Variants in CCDC175 observed in about 807,000 individuals in gnomAD.
CCDC175 encodes coiled-coil domain containing 175, also known as coiled-coil domain-containing protein 175.
In CCDC175, 100 loss-of-function variants were observed where a neutral mutation model predicts 114.6. That is an observed-to-expected ratio of 0.87 (90% CI 0.74 to 1.03). The LOEUF (loss-of-function observed/expected upper bound fraction) is 1.03. Ranked by LOEUF, CCDC175 falls within the 50% of genes least tolerant of loss-of-function variation. The pLI is 0.00. For synonymous variants in CCDC175, 306 were observed against 308.7 expected (o/e 0.99, Z 0.09); for missense variants, 880 against 917.8 (o/e 0.96, Z 0.53).
At chr14:59,520,235 T>C (rs1427108643) in intron 17 of CCDC175, among the ~76,000 whole-genome samples, 2 of 152,198 alleles carry the variant, frequency 1.3e-5, no homozygotes, top group Non-Finnish European at 2.9e-5. Context: ...AAGTACAAGT[T>C]ACAATCACAA....
rs781312593 is a variant in CCDC175, at chr14:59,543,400, C to CT, written c.1226dup (p.Arg410GlufsTer35). ...CTTCCATATTTTTGATGTCTACTCTCTTTTGTGACAGAAAGTATTCTTTCT... is the reference window on the plus strand; with the variant it reads ...CTTCCATATTTTTGATGTCTACTCTCTTTTTGTGACAGAAAGTATTCTTTCT... On this transcript the variant is annotated frameshift_variant, in exon 10 of 20. Transcript: ENST00000537690. LOFTEE classifies it high-confidence loss of function. The CT allele has an allele frequency of 3.5e-5, 52 of 1,479,530 alleles. No individual in the cohort carries two copies. The highest frequency in any genetic ancestry group is 9.0e-6 in the Non-Finnish European group (10 of 1,111,228). 91.7% of individuals were successfully genotyped at this position (1,479,530 alleles called of 1,614,324 possible).
At chr14:59,557,835 T>G (rs1896004662) in intron 7 of CCDC175, among the ~76,000 whole-genome samples, 1 of 152,162 alleles carries the variant, frequency 6.6e-6, no homozygotes, top group Non-Finnish European at 1.5e-5. Flanking sequence ...CTGCCAGATA[T>G]GTTTCAGGTA....
intron 8 of CCDC175, among the ~76,000 whole-genome samples, chr14:59,550,856 T>TG (rs1895430213): frequency 6.6e-6 from 1 of 152,182 alleles, no homozygotes; most frequent in Admixed American, 6.5e-5. Context: ...CCCAGCCTAC[T>TG]GACTCAAATG....
chr14:59,556,043 A>T (rs985136851), intron 7 of CCDC175, among the ~76,000 whole-genome samples: 1 of 152,232 alleles, frequency 6.6e-6, no homozygotes, highest in Non-Finnish European at 1.5e-5. Context: ...ATACTGCCCA[A>T]GGTAATTTAT....
chr14:59,506,830 T>C (rs1174746537), intron 19 of CCDC175, among the ~76,000 whole-genome samples: 1 of 152,224 alleles, frequency 6.6e-6, no homozygotes, highest in African/African-American at 2.4e-5. Context: ...TTGACAGTTA[T>C]ATACATTGAT....
intron 19 of CCDC175, among the ~76,000 whole-genome samples, chr14:59,508,565 CAAAAAAA>C (rs565175219): frequency 4.0e-5 from 3 of 74,578 alleles, no homozygotes; most frequent in East Asian, 4.5e-4. Flanking sequence ...GGCCCTGTCT[CAAAAAAA>C]AAAAAAAAAA....
In CCDC175 at chr14:59,563,874, A is replaced by T. The variant is rs1896367152; in HGVS notation, c.721-15T>A. 5.8e-6 allele frequency: 8 copies of T among 1,372,800 alleles called. No individual in the cohort carries two copies. Among genetic ancestry groups the T allele is most frequent in the Admixed American group, 3.7e-5 (1 of 26,862 alleles). The allele number at this position is 1,372,800 out of a possible 1,614,324, so 85.0% of individuals were successfully genotyped here. On this transcript the variant is annotated splice_polypyrimidine_tract_variant and intron_variant, in intron 5 of 19. Transcript: ENST00000537690. ...AATTCATTAATCTATAGTGACAAGC[A>T]TAAGAAACCAATTTAAAAAGCCTAT... is the stretch of plus-strand genomic sequence containing the variant.
At chr14:59,515,552 G>C (rs1162408910) in intron 17 of CCDC175, among the ~76,000 whole-genome samples, 1 of 152,042 alleles carries the variant, frequency 6.6e-6, no homozygotes, top group Non-Finnish European at 1.5e-5. Flanking sequence ...AACCAACAAA[G>C]ATCAAAAGAG....
chr14:59,531,257 TA>T (rs980485367), intron 14 of CCDC175, among the ~76,000 whole-genome samples: 9 of 152,222 alleles, frequency 5.9e-5, no homozygotes, highest in Admixed American at 5.2e-4. Context: ...TAATATAATT[TA>T]AAATATGCAT....
chr14:59,563,305 G>A (rs548746431), intron 6 of CCDC175, among the ~76,000 whole-genome samples: 1 of 152,088 alleles, frequency 6.6e-6, no homozygotes, highest in East Asian at 1.9e-4. Flanking sequence ...ATAGACAAAT[G>A]GTCTCCTTTA....
intron 14 of CCDC175, among the ~76,000 whole-genome samples, chr14:59,527,625 TTAGTA>T (rs1351479921): frequency 1.3e-5 from 2 of 152,192 alleles, no homozygotes; most frequent in East Asian, 3.8e-4. Flanking sequence ...GATTTTCTTT[TTAGTA>T]TAATTTTTGT....
chr14:59,529,501 G>T (rs1317949439), intron 14 of CCDC175, among the ~76,000 whole-genome samples: 1 of 152,118 alleles, frequency 6.6e-6, no homozygotes, highest in Non-Finnish European at 1.5e-5. Flanking sequence ...TAGTTTCAGG[G>T]GATGCCACTG....
intron 7 of CCDC175, among the ~76,000 whole-genome samples, 188 bp from the exon 8 acceptor site, chr14:59,551,624 G>T (rs1244096287): frequency 6.6e-6 from 1 of 152,200 alleles, no homozygotes; most frequent in Non-Finnish European, 1.5e-5. Context: ...AGTGGGTGCA[G>T]GACAGTGGGT....
At chr14:59,570,160 G>A (rs1436101262) in intron 3 of CCDC175, among the ~76,000 whole-genome samples, 1 of 151,070 alleles carries the variant, frequency 6.6e-6, no homozygotes, top group African/African-American at 2.4e-5. Flanking sequence ...CTCATTGGTG[G>A]CTGAAGCTAC....
chr14:59,551,381 T>C lies in CCDC175; in HGVS notation c.1009A>G (p.Asn337Asp). Residue 337 changes from asparagine (N) to aspartate (D), a missense_variant, in exon 8 of 20, where the codon AAT (asparagine) becomes GAT (aspartate). Transcript: ENST00000537690. ...TGTTTTATCTTGTTCAGGAATTCAT[T>C]TTTTTCATCATTAGATATATCATCT... ...KLDDISNDEK[N>D]EFLNKIKQLV... 1 of 1,449,542 alleles carries C rather than the reference T, an allele frequency of 6.9e-7. No individual in the cohort carries two copies. The highest frequency in any genetic ancestry group is 2.2e-5 in the Admixed American group (1 of 44,718). 89.8% of individuals were successfully genotyped at this position (1,449,542 alleles called of 1,614,324 possible).
chr14:59,544,137 C>A (rs1194500173), intron 9 of CCDC175, among the ~76,000 whole-genome samples: 1 of 152,118 alleles, frequency 6.6e-6, no homozygotes, highest in African/African-American at 2.4e-5. Context: ...TAAAGTGCTC[C>A]TCTCAGCGTG....
intron 14 of CCDC175, among the ~76,000 whole-genome samples, chr14:59,529,549 C>A (rs1893940063): frequency 6.6e-6 from 1 of 152,120 alleles, no homozygotes; most frequent in Non-Finnish European, 1.5e-5. Context: ...GAACTTTTTG[C>A]CTTCATCGTG....
intron 8 of CCDC175, among the ~76,000 whole-genome samples, chr14:59,546,688 C>T (rs1266084681): frequency 6.6e-6 from 1 of 151,980 alleles, no homozygotes; most frequent in East Asian, 1.9e-4. Context: ...ACATAAACCT[C>T]CCACTATTTT....
chr14:59,538,625 T>G, intron 12 of CCDC175, 80 bp downstream of exon 12: 1 of 1,153,368 alleles, frequency 8.7e-7, no homozygotes. Flanking sequence ...TTTAATAAGA[T>G]AGGATTTAAT....
Sources: allele counts gnomAD v4.1 joint callset (sites outside exome capture counted in the v4.1 genomes callset), GRCh38; gene constraint gnomAD v4.1.1; transcripts MANE v1.5; gene names NCBI Gene and HGNC (gene_info 2026-07-23, HGNC 2026-07-21).